Variants in SYTL2 observed in about 807,000 individuals in gnomAD.
SYTL2 encodes the protein synaptotagmin like 2, also known as synaptotagmin-like protein 2.
SYTL2 carries 165 observed loss-of-function variants against 198.7 expected under a neutral mutation model. The ratio of observed to expected loss-of-function variants is 0.83; its 90% confidence interval spans 0.73 to 0.94. The LOEUF (loss-of-function observed/expected upper bound fraction) is 0.94, where lower values mean the gene tolerates loss of function less well. Ranked by LOEUF, SYTL2 falls within the 40% of genes least tolerant of loss-of-function variation. SYTL2 has a pLI of 0.00. For missense variants in SYTL2, 2,835 were observed against 2,582.8 expected, an observed-to-expected ratio of 1.10 and a Z score of -2.12; for synonymous variants, 966 against 917.7, an observed-to-expected ratio of 1.05 and a Z score of -0.95.
the SYTL2 span, among the ~76,000 whole-genome samples, chr11:85,850,152 T>C: frequency 6.8e-6 from 1 of 147,460 alleles, no homozygotes; most frequent in Non-Finnish European, 1.5e-5. Context: ...CCTGAGACTT[T>C]GCTGAAGTTG....
rs369778443 is a variant in SYTL2, at chr11:85,733,971, C to T, written c.1358G>A (p.Arg453Lys). The T allele has an allele frequency of 5.0e-6, 8 of 1,613,982 alleles. No individual in the cohort carries two copies. Among genetic ancestry groups the T allele is most frequent in the African/African-American group, 4.0e-5 (3 of 74,916 alleles). Residue 453 changes from arginine to lysine, a missense_variant, in exon 7 of 20, where the codon AGG (arginine) becomes AAG (lysine). Arg to Lys is a conservative substitution (Grantham distance 26, BLOSUM62 2). Around this residue, in one of 3 missense-constraint regions of SYTL2, gnomAD observed 2,645 missense variants for 2,381.7 expected, o/e 1.11. Coordinates refer to ENST00000359152, the MANE Select transcript of SYTL2 (RefSeq NM_206927.4). Reference sequence around the variant, plus strand: ...GCTTCTGGGTAATACAGATTCAAGCCTTGTTAATTCTGATGATTTATCTTT... The same window carrying T: ...GCTTCTGGGTAATACAGATTCAAGCTTTGTTAATTCTGATGATTTATCTTT... ...EPKDKSSELT[R>K]LESVLPRSPA...
intron 1 of SYTL2, among the ~76,000 whole-genome samples, chr11:85,788,159 T>C (rs1235488785): frequency 1.3e-5 from 2 of 152,224 alleles, no homozygotes; most frequent in Non-Finnish European, 2.9e-5. Context: ...TTCAGTCAGT[T>C]TGTCAACTGC....
chr11:85,833,846 C>T, the SYTL2 span, among the ~76,000 whole-genome samples: 1 of 148,566 alleles, frequency 6.7e-6, no homozygotes, highest in Admixed American at 6.9e-5. Flanking sequence ...TCAAGCTTTT[C>T]TCCTGCCTCA....
Position 85,745,692 on chromosome 11 carries a change from C to A in SYTL2, c.334G>T (p.Glu112Ter). Residue 112 changes from glutamate to a stop codon, truncating the protein, a stop_gained, in exon 4 of 20, where the codon GAG (glutamate) becomes TAG (stop). Transcript: ENST00000359152. LOFTEE classifies it high-confidence loss of function. ...GGCTCTTCTACAACGCCAGCCAGCT[C>A]TGGAGGAAGGAAAGCATCTTTGTTG... is the stretch of plus-strand genomic sequence containing the variant. The part of the protein sequence containing the change: ...NVNKDAFLPP[E>*]LAGVVEEPEE... 1.2e-6 allele frequency: 2 copies of A among 1,613,982 alleles called. No homozygotes were observed. Among genetic ancestry groups the A allele is most frequent in the South Asian group, 2.2e-5 (2 of 91,066 alleles).
chr11:85,718,026 T>C (rs1245793507), intron 10 of SYTL2, among the ~76,000 whole-genome samples: 2 of 152,256 alleles, frequency 1.3e-5, no homozygotes, highest in East Asian at 3.8e-4. Flanking sequence ...AGGAGCTCTG[T>C]TGCTGCATTT....
In SYTL2 at chr11:85,734,102, C is replaced by T. The variant is rs1457877855; in HGVS notation, c.1227G>A (p.Gln409=). ...TTGGAAAAGAACCAGAAGTCATTGG[C>T]TGATGTGTTTCACTTTTTGATACAT... The part of the protein sequence containing the change: ...SPYVSKSETH[Q]PMTSGSFPIN... The change falls in exon 7 of 20, where the codon CAG becomes CAA. Residue 409 remains glutamine (Q), a synonymous_variant. Coordinates refer to ENST00000359152, the MANE Select transcript of SYTL2 (RefSeq NM_206927.4). 6.2e-7 allele frequency: 1 copy of T among 1,614,038 alleles called. No individual in the cohort carries two copies. The highest frequency in any genetic ancestry group is 1.3e-5 in the African/African-American group (1 of 74,918).
chr11:85,739,887 A>T (rs1418044061), intron 4 of SYTL2, among the ~76,000 whole-genome samples: 1 of 152,150 alleles, frequency 6.6e-6, no homozygotes, highest in Non-Finnish European at 1.5e-5. Context: ...TTGTGGCAAG[A>T]GGACTGGAGG....
At chr11:85,776,408 C>T (rs1210933756) in intron 1 of SYTL2, among the ~76,000 whole-genome samples, 1 of 152,216 alleles carries the variant, frequency 6.6e-6, no homozygotes, top group Non-Finnish European at 1.5e-5. Flanking sequence ...TAGCCTCCCA[C>T]CGCGCAACAG....
At position 85,697,961 on chromosome 11, in the gene SYTL2, A is replaced by C; in HGVS notation, c.6368+18T>G. 1 of 1,527,800 alleles carries C rather than the reference A, an allele frequency of 6.5e-7. No individual in the cohort carries two copies. Among genetic ancestry groups the C allele is most frequent in the Non-Finnish European group, 9.1e-7 (1 of 1,102,108 alleles). 94.6% of individuals were successfully genotyped at this position (1,527,800 alleles called of 1,614,324 possible). ...CAGGCTACAGAACTGTTGCAGACAGAGTCATCAATACTATTACCATTTAAC... is the reference window on the plus strand; with the variant it reads ...CAGGCTACAGAACTGTTGCAGACAGCGTCATCAATACTATTACCATTTAAC... On this transcript the variant is annotated intron_variant, in intron 18 of 19. Coordinates refer to ENST00000359152, the MANE Select transcript of SYTL2 (RefSeq NM_206927.4).
At position 85,733,963 on chromosome 11, in the gene SYTL2, A is replaced by G. The variant is rs1444497034; in HGVS notation, c.1366T>C (p.Ser456Pro). 2 of 1,614,082 alleles carry G rather than the reference A, an allele frequency of 1.2e-6. No individual in the cohort carries two copies. The highest frequency in any genetic ancestry group is 2.2e-5 in the South Asian group (2 of 91,074). ...DKSSELTRLE[S>P]VLPRSPADEL... ...CCAGCAGGGCTTCTGGGTAATACAG[A>G]TTCAAGCCTTGTTAATTCTGATGAT... Residue 456 changes from serine (S) to proline (P), a missense_variant, in exon 7 of 20, where the codon TCT becomes CCT. Ser to Pro is a moderately conservative substitution (Grantham distance 74). This residue lies in a region of SYTL2 where 2,645 missense variants were observed against 2,381.7 expected (regional missense o/e 1.11). Coordinates refer to ENST00000359152, the MANE Select transcript of SYTL2 (RefSeq NM_206927.4).
At chr11:85,822,590 C>G in the SYTL2 span, among the ~76,000 whole-genome samples, 5,412 of 152,320 alleles carry the variant, frequency 0.036, 219 homozygotes, top group African/African-American at 0.1. Context: ...CCTGACATCT[C>G]ATTTCCCATT....
the SYTL2 span, among the ~76,000 whole-genome samples, chr11:85,825,565 TG>T: frequency 6.6e-6 from 1 of 152,128 alleles, no homozygotes; most frequent in African/African-American, 2.4e-5. Flanking sequence ...TGGAAAGAGC[TG>T]GGTCCCTGAT....
At chr11:85,704,535 T>C (rs1159276775) in intron 16 of SYTL2, among the ~76,000 whole-genome samples, 1 of 152,164 alleles carries the variant, frequency 6.6e-6, no homozygotes, top group African/African-American at 2.4e-5. Context: ...GAACATTACA[T>C]CCTTTAATCA....
At chr11:85,719,149 C>G in intron 9 of SYTL2, 1 of 1,401,772 alleles carries the variant, frequency 7.1e-7, no homozygotes, top group Non-Finnish European at 9.4e-7. Context: ...GGGGCTGCAA[C>G]AGCCTCTCTA....
intron 1 of SYTL2, among the ~76,000 whole-genome samples, chr11:85,767,082 G>GT (rs5793170): frequency 0.76 from 115,980 of 152,144 alleles, 44,500 homozygotes; most frequent in African/African-American, 0.83. Context: ...ACAGCAATTA[G>GT]CAAAGTTAAA....
intron 5 of SYTL2, among the ~76,000 whole-genome samples, chr11:85,737,148 A>T (rs2090411780): frequency 6.6e-6 from 1 of 152,220 alleles, no homozygotes; most frequent in South Asian, 2.1e-4. Flanking sequence ...TTTAAAAATT[A>T]ATATAGGAAT....
chr11:85,698,191 A>G, intron 17 of SYTL2, 113 bp from the exon 18 acceptor site: 1 of 692,542 alleles, frequency 1.4e-6, no homozygotes. Context: ...CTAGTATTTG[A>G]TGATATCATC....
intron 11 of SYTL2, 71 bp from the exon 12 acceptor site, chr11:85,714,578 A>G: frequency 6.4e-7 from 1 of 1,560,374 alleles, no homozygotes; most frequent in Non-Finnish European, 8.7e-7. Flanking sequence ...TAAGTTGAAA[A>G]CATACTTTTA....
Position 85,711,117 on chromosome 11 carries a change from G to C in SYTL2, c.5741C>G (p.Ser1914Cys), listed in dbSNP as rs1277586349. 6.2e-7 allele frequency: 1 copy of C among 1,614,030 alleles called. No homozygotes were observed. Among genetic ancestry groups the C allele is most frequent in the Non-Finnish European group, 8.5e-7 (1 of 1,179,934 alleles). The change falls in exon 13 of 20, where the codon TCT (serine) becomes TGT (cysteine). Residue 1914 changes from serine (S) to cysteine (C), a missense_variant. Physicochemically the swap from Ser to Cys is moderately radical, Grantham distance 112 (BLOSUM62 -1). Coordinates refer to ENST00000359152, the MANE Select transcript of SYTL2 (RefSeq NM_206927.4). The part of the protein sequence containing the change: ...LSSSSGMTSL[S>C]SVSGSVMSVY... ...ATGGAGCCTTTGTTTACATACAGAA[G>C]ACAAGGACGTCATGCCAGAGGAGCT...
Sources: allele counts gnomAD v4.1 joint callset (sites outside exome capture counted in the v4.1 genomes callset), GRCh38; gene constraint gnomAD v4.1.1; regional missense constraint gnomAD v4.1.1; transcripts MANE v1.5; gene names NCBI Gene and HGNC (gene_info 2026-07-23, HGNC 2026-07-21).